Variants in FCRL4 observed in about 807,000 individuals in gnomAD.
FCRL4 encodes the protein Fc receptor like 4, also known as Fc receptor-like protein 4.
In FCRL4, 43 loss-of-function variants were observed where a neutral mutation model predicts 64.1. The observed-to-expected ratio is 0.67, with a 90% confidence interval of 0.53 to 0.87. The LOEUF (loss-of-function observed/expected upper bound fraction) is 0.87. Among genes scored for constraint, FCRL4 ranks in the 40% least tolerant of loss-of-function variants. FCRL4 has a pLI of 0.00. For missense variants in FCRL4, 656 were observed against 613.5 expected (o/e 1.07, Z -0.73); for synonymous variants, 253 against 239.8 (o/e 1.05, Z -0.51).
chr1:157,594,685 A>G (rs1202529555), intron 2 of FCRL4, among the ~76,000 whole-genome samples: 1 of 152,206 alleles, frequency 6.6e-6, no homozygotes, highest in Non-Finnish European at 1.5e-5. Flanking sequence ...ATTTTCAGGC[A>G]ATTACTTTTT....
At chr1:157,582,232 T>C (rs1347105852) in intron 6 of FCRL4, among the ~76,000 whole-genome samples, 1 of 152,232 alleles carries the variant, frequency 6.6e-6, no homozygotes, top group Non-Finnish European at 1.5e-5. Context: ...GGGTCCGTTC[T>C]CCTATCCTTT....
chr1:157,592,709 C>T (rs1652864630), intron 2 of FCRL4, among the ~76,000 whole-genome samples: 1 of 152,146 alleles, frequency 6.6e-6, no homozygotes, highest in African/African-American at 2.4e-5. Context: ...CTAGAAATAC[C>T]ATTTGACCAA....
At chr1:157,578,648 A>T in intron 9 of FCRL4, 106 bp from the exon 10 acceptor site, 1 of 1,391,398 alleles carries the variant, frequency 7.2e-7, no homozygotes, top group South Asian at 1.2e-5. Context: ...TAATGGAACA[A>T]TTATCTGGGA....
chr1:157,593,880 T>G (rs370585145), intron 2 of FCRL4, among the ~76,000 whole-genome samples: 1 of 152,206 alleles, frequency 6.6e-6, no homozygotes, highest in Non-Finnish European at 1.5e-5. Flanking sequence ...ATTAGAAACA[T>G]TCACTCAAAC....
At chr1:157,585,342 CTCTCTTTCTTTCTTTCTT>C (rs1360344730) in intron 6 of FCRL4, among the ~76,000 whole-genome samples, 1 of 69,926 alleles carries the variant, frequency 1.4e-5, no homozygotes, top group African/African-American at 4.5e-5. Flanking sequence ...TTCTTTCTCT[CTCTCTTTCTTTCTTTCTT>C]TCTTTCTTTC....
chr1:157,593,567 T>C (rs1208402934), intron 2 of FCRL4, among the ~76,000 whole-genome samples: 1 of 152,212 alleles, frequency 6.6e-6, no homozygotes, highest in African/African-American at 2.4e-5. Flanking sequence ...CATGTATGCA[T>C]GGGCTGTATC....
intron 10 of FCRL4, among the ~76,000 whole-genome samples, chr1:157,577,185 G>T (rs1394385461): frequency 6.6e-6 from 1 of 152,176 alleles, no homozygotes; most frequent in Non-Finnish European, 1.5e-5. Context: ...TCTGAGGTGA[G>T]AGTAGCAGGT....
chr1:157,586,675 A>G (rs1376879896), intron 5 of FCRL4, among the ~76,000 whole-genome samples: 2 of 152,198 alleles, frequency 1.3e-5, no homozygotes, highest in Non-Finnish European at 2.9e-5. Flanking sequence ...AGAAAAAAGG[A>G]CTAACCCTGA....
In FCRL4 at chr1:157,579,584, G is replaced by A. The variant is rs957429153; in HGVS notation, c.1278-732C>T. Among the ~76,000 whole-genome samples, 46 of 152,004 alleles carry A rather than the reference G, an allele frequency of 3.0e-4. 1 individual carries two copies. Among genetic ancestry groups the A allele is most frequent in the Non-Finnish European group, 7.4e-5 (5 of 68,004 alleles). ...ATACAAAAATTAGCTAGATGTGGTG[G>A]CTCATGCCTGTAATCCCAGCTACTT... is the stretch of plus-strand genomic sequence containing the variant. On this transcript the variant is annotated intron_variant, in intron 8 of 11. Coordinates refer to ENST00000271532, the MANE Select transcript of FCRL4 (RefSeq NM_031282.3).
chr1:157,589,604 C>A, intron 2 of FCRL4, 146 bp from the exon 3 acceptor site: 2 of 986,664 alleles, frequency 2.0e-6, no homozygotes, highest in Non-Finnish European at 2.9e-6. Flanking sequence ...TGCAGGTGAG[C>A]TGTGCTCACC....
chr1:157,596,030 G>A (rs1652955371), intron 2 of FCRL4, among the ~76,000 whole-genome samples: 3 of 152,124 alleles, frequency 2.0e-5, no homozygotes, highest in African/African-American at 7.2e-5. Context: ...ATTCCATCAG[G>A]CTTGGCTAGA....
intron 8 of FCRL4, among the ~76,000 whole-genome samples, chr1:157,579,600 C>T (rs1382393638): frequency 2.6e-5 from 4 of 151,938 alleles, no homozygotes; most frequent in Non-Finnish European, 5.9e-5. Context: ...GCCTGTAATC[C>T]CAGCTACTTT....
intron 10 of FCRL4, among the ~76,000 whole-genome samples, chr1:157,577,833 T>TGCA (rs1049240536): frequency 2.0e-5 from 3 of 152,168 alleles, no homozygotes; most frequent in African/African-American, 7.2e-5. Context: ...CAGAAGCTGA[T>TGCA]GCAGATTTTG....
intron 8 of FCRL4, 90 bp downstream of exon 8, chr1:157,580,231 G>A: frequency 7.3e-7 from 1 of 1,361,872 alleles, no homozygotes; most frequent in Non-Finnish European, 1.1e-6. Flanking sequence ...GGGCCAAAGA[G>A]GTATAACTTG....
At chr1:157,582,760 A>T (rs897464037) in intron 6 of FCRL4, among the ~76,000 whole-genome samples, 1 of 152,194 alleles carries the variant, frequency 6.6e-6, no homozygotes. Flanking sequence ...CCACTAATAA[A>T]CAGTATTCAG....
rs1652347321 is a variant in FCRL4 at position 157,574,056 on chromosome 1, C to T, written c.*1468G>A. 9.5e-6 allele frequency: 2 copies of T among 210,598 alleles called. No individual in the cohort carries two copies. Among genetic ancestry groups the T allele is most frequent in the Admixed American group, 5.9e-5 (1 of 16,962 alleles). The allele number at this position is 210,598 out of a possible 1,614,324, so 13.0% of individuals were successfully genotyped here. A position where few individuals can be genotyped will look rare whatever the true frequency, so the allele number is the denominator to read the frequency against. ...GTGATACATGTGACAAATTCATACACTCATATAATTTGTAAAGATCAAATC... is the reference window on the plus strand; with the variant it reads ...GTGATACATGTGACAAATTCATACATTCATATAATTTGTAAAGATCAAATC... On this transcript the variant is annotated 3_prime_UTR_variant, in exon 12 of 12. Coordinates refer to ENST00000271532, the MANE Select transcript of FCRL4 (RefSeq NM_031282.3).
rs998207274 is a variant in FCRL4, at chr1:157,574,811, T to A, written c.*713A>T. Reference sequence around the variant, plus strand: ...TTTGGAGAGTTGGTACTTAAGTTTTTAATTTTATATTTGTGTCTCTTTTCT... The same window carrying A: ...TTTGGAGAGTTGGTACTTAAGTTTTAAATTTTATATTTGTGTCTCTTTTCT... On this transcript the variant is annotated 3_prime_UTR_variant, in exon 12 of 12. Coordinates refer to ENST00000271532, the MANE Select transcript of FCRL4 (RefSeq NM_031282.3). The A allele has an allele frequency of 6.2e-5, 13 of 209,176 alleles. No individual in the cohort carries two copies. The highest frequency in any genetic ancestry group is 9.7e-5 in the Non-Finnish European group (10 of 103,040). The allele number at this position is 209,176 out of a possible 1,614,324, so 13.0% of individuals were successfully genotyped here. A position where few individuals can be genotyped will look rare whatever the true frequency, so the allele number is the denominator to read the frequency against.
chr1:157,584,464 A>G (rs1652629534), intron 6 of FCRL4, among the ~76,000 whole-genome samples: 1 of 152,040 alleles, frequency 6.6e-6, no homozygotes, highest in Non-Finnish European at 1.5e-5. Flanking sequence ...TGAACCCAGA[A>G]GGTCAAGGCT....
At chr1:157,577,607 A>G (rs560277677) in intron 10 of FCRL4, among the ~76,000 whole-genome samples, 4 of 152,314 alleles carry the variant, frequency 2.6e-5, no homozygotes, top group African/African-American at 9.6e-5. Context: ...GGCCTTGCTG[A>G]CTTGAAGTGA....
Sources: gnomAD v4.1 joint callset for allele counts (sites outside exome capture counted in the v4.1 genomes callset) on GRCh38, gnomAD v4.1.1 for gene constraint, MANE v1.5 for transcripts, NCBI Gene and HGNC (gene_info 2026-07-23, HGNC 2026-07-21) for gene names.